Variants in PKNOX2 observed in about 807,000 individuals in gnomAD.
PKNOX2 encodes homeobox protein PKNOX2.
Under a neutral mutation model 53.1 loss-of-function variants are expected in PKNOX2, and 14 were observed. The observed-to-expected ratio is 0.26, with a 90% CI of 0.17 to 0.41. The LOEUF (loss-of-function observed/expected upper bound fraction) is 0.41. Among genes scored for constraint, PKNOX2 ranks in the 10% least tolerant of loss-of-function variants. The probability of loss-of-function intolerance (pLI) is 1.00; values close to 1 mark genes in which losing one functional copy is unlikely to be tolerated. For missense variants in PKNOX2, 496 were observed against 602.8 expected (o/e 0.82, Z 1.85); for synonymous variants, 257 against 242.8 (o/e 1.06, Z -0.54).
chr11:125,212,994 A>T (rs1016469310), intron 1 of PKNOX2, among the ~76,000 whole-genome samples: 3 of 152,060 alleles, frequency 2.0e-5, no homozygotes, highest in African/African-American at 7.2e-5. Context: ...TCTTTGGGTC[A>T]GAGATGAAAT....
chr11:125,243,555 C>G (rs924791705), intron 2 of PKNOX2, among the ~76,000 whole-genome samples: 5 of 152,060 alleles, frequency 3.3e-5, no homozygotes, highest in African/African-American at 1.2e-4. Context: ...TTGCTGCACT[C>G]TTTCCAGGCA....
intron 5 of PKNOX2, among the ~76,000 whole-genome samples, chr11:125,371,526 C>T (rs1952545361): frequency 6.6e-6 from 1 of 152,100 alleles, no homozygotes; most frequent in South Asian, 2.1e-4. Flanking sequence ...GTTAATCCAG[C>T]TTTCCCTCCC....
At chr11:125,210,852 G>T in intron 1 of PKNOX2, among the ~76,000 whole-genome samples, 1 of 152,118 alleles carries the variant, frequency 6.6e-6, no homozygotes, top group Non-Finnish European at 1.5e-5. Flanking sequence ...AGGATAAACT[G>T]CACTGGGGCG....
At chr11:125,184,653 G>T (rs1453053579) in intron 1 of PKNOX2, among the ~76,000 whole-genome samples, 1 of 152,174 alleles carries the variant, frequency 6.6e-6, no homozygotes, top group Non-Finnish European at 1.5e-5. Context: ...GTAGAGGCTG[G>T]AGCCTCTGGA....
chr11:125,167,285 AC>A (rs1211052259), intron 1 of PKNOX2, among the ~76,000 whole-genome samples: 1 of 151,778 alleles, frequency 6.6e-6, no homozygotes, highest in Non-Finnish European at 1.5e-5. Flanking sequence ...AGCCCCCTGC[AC>A]CCCTGGCAGG....
At chr11:125,424,328 T>C (rs912629583) in intron 10 of PKNOX2, among the ~76,000 whole-genome samples, 1 of 152,194 alleles carries the variant, frequency 6.6e-6, no homozygotes, top group African/African-American at 2.4e-5. Context: ...TGACTTATTG[T>C]GCTTCTCTTT....
intron 1 of PKNOX2, among the ~76,000 whole-genome samples, chr11:125,177,135 T>C (rs539488631): frequency 6.6e-6 from 1 of 152,180 alleles, no homozygotes; most frequent in African/African-American, 2.4e-5. Context: ...TTACAAAAAG[T>C]CTTTGGCAGA....
chr11:125,286,205 C>T (rs1341053032), intron 2 of PKNOX2, among the ~76,000 whole-genome samples: 2 of 152,136 alleles, frequency 1.3e-5, no homozygotes, highest in Admixed American at 1.3e-4. Flanking sequence ...GGGGCCAGGG[C>T]ATGGAGGCTC....
chr11:125,386,194 AGACCAGTGGAG>A (rs1953617840), intron 6 of PKNOX2, among the ~76,000 whole-genome samples: 2 of 152,250 alleles, frequency 1.3e-5, no homozygotes, highest in African/African-American at 4.8e-5. Flanking sequence ...TGTGCTGAGG[AGACCAGTGGAG>A]GACCTGTTCA....
intron 6 of PKNOX2, among the ~76,000 whole-genome samples, chr11:125,394,352 C>T (rs1169033013): frequency 6.6e-6 from 1 of 152,244 alleles, no homozygotes; most frequent in African/African-American, 2.4e-5. Flanking sequence ...CCCTCAGTCT[C>T]AGCCCCACAG....
chr11:125,380,416 G>A (rs1456922779), intron 5 of PKNOX2, among the ~76,000 whole-genome samples: 1 of 152,154 alleles, frequency 6.6e-6, no homozygotes, highest in Middle Eastern at 3.2e-3. Context: ...GCGGTCGGGA[G>A]GGAGGCGACA....
At chr11:125,173,118 G>A (rs193225143) in intron 1 of PKNOX2, among the ~76,000 whole-genome samples, 2 of 152,128 alleles carry the variant, frequency 1.3e-5, no homozygotes, top group Non-Finnish European at 2.9e-5. Flanking sequence ...GGCTTTATAG[G>A]TGAGGATAAT....
At position 125,230,890 on chromosome 11, in the gene PKNOX2, T is replaced by C. The variant is rs138685398; in HGVS notation, c.-200-4155T>C. 4.6e-5 allele frequency among the ~76,000 whole-genome samples: 7 copies of C among 152,292 alleles called. No homozygotes were observed. In the East Asian group the frequency reaches 1.3e-3, roughly 29 times the overall value. On this transcript the variant is annotated intron_variant, in intron 1 of 12. Coordinates refer to ENST00000298282, the MANE Select transcript of PKNOX2 (RefSeq NM_001382323.2). ...TTCATAGAAGCTAAGGTTAGGTAAA[T>C]GATGGGCCCTGGCTTAAACCTGAAA... is the stretch of plus-strand genomic sequence containing the variant.
At chr11:125,256,280 C>G (rs756761596) in intron 2 of PKNOX2, among the ~76,000 whole-genome samples, 1 of 152,084 alleles carries the variant, frequency 6.6e-6, no homozygotes, top group Non-Finnish European at 1.5e-5. Context: ...AAGCCAGGAG[C>G]CTGCCTAGGA....
At chr11:125,213,153 A>G (rs1307623126) in intron 1 of PKNOX2, among the ~76,000 whole-genome samples, 1 of 152,016 alleles carries the variant, frequency 6.6e-6, no homozygotes, top group African/African-American at 2.4e-5. Context: ...ATTCTCCCCC[A>G]TCTTCAAAAT....
chr11:125,239,324 C>G (rs1942976785), intron 2 of PKNOX2, among the ~76,000 whole-genome samples: 1 of 152,192 alleles, frequency 6.6e-6, no homozygotes, highest in African/African-American at 2.4e-5. Flanking sequence ...GGCTGGCTGT[C>G]CAAGGGAATG....
At chr11:125,208,544 G>C (rs1467985246) in intron 1 of PKNOX2, among the ~76,000 whole-genome samples, 2 of 152,100 alleles carry the variant, frequency 1.3e-5, no homozygotes, top group Non-Finnish European at 2.9e-5. Context: ...GGAGTGAGAA[G>C]TAATGAAGGA....
chr11:125,241,303 C>A (rs1157869086), intron 2 of PKNOX2, among the ~76,000 whole-genome samples: 3 of 152,222 alleles, frequency 2.0e-5, no homozygotes, highest in Non-Finnish European at 4.4e-5. Flanking sequence ...GCCTCGGTGC[C>A]TTTGCACATG....
chr11:125,386,748 A>ACACACACACACACACACT (rs1953663580), intron 6 of PKNOX2, among the ~76,000 whole-genome samples: 2 of 151,668 alleles, frequency 1.3e-5, no homozygotes, highest in Non-Finnish European at 2.9e-5. Flanking sequence ...ACACACACAC[A>ACACACACACACACACACT]CACACTGCAT....
Sources: allele counts gnomAD v4.1 joint callset (sites outside exome capture counted in the v4.1 genomes callset), GRCh38; gene constraint gnomAD v4.1.1; transcripts MANE v1.5; gene names NCBI Gene and HGNC (gene_info 2026-07-23, HGNC 2026-07-21).